CHLSN: variants seen among roughly 807,000 people sequenced by gnomAD.
CHLSN encodes cholesin.
At chr7:1,069,000 GC>G in the CHLSN span, among the ~76,000 whole-genome samples, 1 of 152,148 alleles carries the variant, frequency 6.6e-6, no homozygotes, top group Non-Finnish European at 1.5e-5. Context: ...GGGTGTGCCT[GC>G]CCACCAGACA....
the CHLSN span, among the ~76,000 whole-genome samples, chr7:1,059,561 CGGTAGTGAGG>C: frequency 9.2e-6 from 1 of 108,950 alleles, no homozygotes; most frequent in Non-Finnish European, 1.9e-5. Flanking sequence ...TGGGGCGGGT[CGGTAGTGAGG>C]CGGTTCCTAG....
At chr7:1,042,357 G>A in the CHLSN span, among the ~76,000 whole-genome samples, 2 of 152,224 alleles carry the variant, frequency 1.3e-5, no homozygotes, top group Non-Finnish European at 2.9e-5. Flanking sequence ...AGACTAGGGT[G>A]CAACCGCGAA....
the CHLSN span, among the ~76,000 whole-genome samples, chr7:1,060,382 G>A: frequency 2.6e-5 from 4 of 152,190 alleles, no homozygotes; most frequent in South Asian, 2.1e-4. Context: ...GAAGACGGGC[G>A]ATGTGGCTGT....
At chr7:985,555 C>T in the CHLSN span, among the ~76,000 whole-genome samples, 1 of 152,196 alleles carries the variant, frequency 6.6e-6, no homozygotes, top group Non-Finnish European at 1.5e-5. Flanking sequence ...CTCCCCCACG[C>T]CCTCATCAGT....
At chr7:1,000,377 G>C in the CHLSN span, 1 of 1,083,428 alleles carries the variant, frequency 9.2e-7, no homozygotes, top group Admixed American at 2.6e-5. Context: ...CTGCCCCGCC[G>C]TGCACACACC....
At chr7:1,073,345 T>C in the CHLSN span, among the ~76,000 whole-genome samples, 1 of 152,124 alleles carries the variant, frequency 6.6e-6, no homozygotes, top group Non-Finnish European at 1.5e-5. Context: ...TCCACTCCCG[T>C]TTCGGAGACA....
the CHLSN span, among the ~76,000 whole-genome samples, chr7:983,008 G>A: frequency 2.6e-5 from 4 of 151,838 alleles, no homozygotes; most frequent in East Asian, 1.9e-4. Flanking sequence ...TCCCCTCCCC[G>A]GCCCCACCAG....
chr7:1,054,310 T>C, the CHLSN span, among the ~76,000 whole-genome samples: 4 of 152,204 alleles, frequency 2.6e-5, no homozygotes, highest in Non-Finnish European at 4.4e-5. Context: ...ACCATCCTCA[T>C]CATTGATACC....
At chr7:1,013,194 C>T in the CHLSN span, among the ~76,000 whole-genome samples, 8 of 152,298 alleles carry the variant, frequency 5.3e-5, no homozygotes, top group East Asian at 5.8e-4. Flanking sequence ...AGACGAGCAG[C>T]GGAGAACTTT....
the CHLSN span, among the ~76,000 whole-genome samples, chr7:990,817 C>T: frequency 0.02 from 3,010 of 152,228 alleles, 130 homozygotes; most frequent in East Asian, 0.21. Context: ...GGTGGGGCCA[C>T]GCGACGCCCC....
chr7:1,079,299 C>T, the CHLSN span, among the ~76,000 whole-genome samples: 1,453 of 152,324 alleles, frequency 9.5e-3, 16 homozygotes, highest in Non-Finnish European at 0.015. Flanking sequence ...AGGCAACGCC[C>T]GGCTGCTCGT....
At chr7:1,024,143 C>T in the CHLSN span, among the ~76,000 whole-genome samples, 2 of 152,286 alleles carry the variant, frequency 1.3e-5, no homozygotes, top group East Asian at 1.9e-4. Flanking sequence ...GCGATCCTTC[C>T]GGCCAGCCTC....
At chr7:1,000,821 C>T in the CHLSN span, among the ~76,000 whole-genome samples, 2 of 152,222 alleles carry the variant, frequency 1.3e-5, no homozygotes, top group African/African-American at 4.8e-5. Flanking sequence ...CCCCAAGTCC[C>T]CGTGGGCTCC....
chr7:1,069,374 CT>C, the CHLSN span, among the ~76,000 whole-genome samples: 2 of 149,536 alleles, frequency 1.3e-5, no homozygotes, highest in African/African-American at 2.4e-5. Flanking sequence ...CCCCTCTCCC[CT>C]CTCCCCTCTC....
chr7:1,004,069 G>A, the CHLSN span, among the ~76,000 whole-genome samples: 6 of 152,130 alleles, frequency 3.9e-5, no homozygotes, highest in Admixed American at 2.0e-4. Context: ...GCTGCTAGGT[G>A]ACACGCCAGC....
the CHLSN span, among the ~76,000 whole-genome samples, chr7:1,095,889 C>T: frequency 3.3e-5 from 5 of 152,214 alleles, no homozygotes; most frequent in Non-Finnish European, 5.9e-5. Flanking sequence ...GAGGGGTCAC[C>T]CAAGGTCACC....
chr7:1,136,381 T>C, the CHLSN span, among the ~76,000 whole-genome samples: 3 of 40,564 alleles, frequency 7.4e-5, no homozygotes, highest in African/African-American at 1.7e-4. Context: ...TATATATAAA[T>C]ATATAAACAT....
the CHLSN span, among the ~76,000 whole-genome samples, chr7:1,119,020 C>T: frequency 5.4e-3 from 821 of 151,922 alleles, 8 homozygotes; most frequent in African/African-American, 0.019. Context: ...TTTGGGAGGC[C>T]GAGGCAGGAG....
chr7:1,041,062 C>T, the CHLSN span, among the ~76,000 whole-genome samples: 1 of 152,254 alleles, frequency 6.6e-6, no homozygotes, highest in Admixed American at 6.5e-5. Flanking sequence ...ACAGCTGCTT[C>T]TGCAGAACAT....
Sources: gnomAD v4.1 joint callset for allele counts (sites outside exome capture counted in the v4.1 genomes callset) on GRCh38, gnomAD v4.1.1 for gene constraint, MANE v1.5 for transcripts, NCBI Gene and HGNC (gene_info 2026-07-23, HGNC 2026-07-21) for gene names.